The following DTWD2 variants were observed in gnomAD, a reference collection of about 807,000 sequenced individuals.
DTWD2 encodes the protein tRNA-uridine aminocarboxypropyltransferase 2.
Under a neutral mutation model 31.8 loss-of-function variants are expected in DTWD2, and 39 were observed. The ratio of observed to expected loss-of-function variants is 1.22; its 90% CI spans 0.95 to 1.60. DTWD2 has a LOEUF of 1.60. Ranked by LOEUF, DTWD2 falls within the 40% of genes most tolerant of loss-of-function variation. The probability of loss-of-function intolerance (pLI) is 0.00; values close to 1 mark genes in which losing one functional copy is unlikely to be tolerated. For missense variants in DTWD2, 515 were observed against 381.5 expected (o/e 1.35, Z -2.92); for synonymous variants, 180 against 142.8 (o/e 1.26, Z -1.86).
chr5:118,848,967 CAA>C (rs1269014514), intron 4 of DTWD2, among the ~76,000 whole-genome samples: 1 of 152,150 alleles, frequency 6.6e-6, no homozygotes, highest in Non-Finnish European at 1.5e-5. Flanking sequence ...CAGGCATGGG[CAA>C]AGACTTTATG....
intron 4 of DTWD2, among the ~76,000 whole-genome samples, chr5:118,891,321 G>A (rs565995760): frequency 1.2e-4 from 18 of 151,984 alleles, no homozygotes; most frequent in African/African-American, 2.4e-4. Context: ...TTTTACCCAC[G>A]ATGCCCTATA....
intron 4 of DTWD2, among the ~76,000 whole-genome samples, chr5:118,920,380 C>T (rs551946259): frequency 1.3e-5 from 2 of 151,718 alleles, no homozygotes; most frequent in African/African-American, 4.8e-5. Context: ...TATATATGAA[C>T]ACAGAAAAAC....
At chr5:118,896,898 G>A (rs927515934) in intron 4 of DTWD2, among the ~76,000 whole-genome samples, 3 of 152,156 alleles carry the variant, frequency 2.0e-5, no homozygotes, top group Non-Finnish European at 4.4e-5. Context: ...GCCTAAAGCT[G>A]TCTTGGATTC....
chr5:118,848,051 A>C, intron 5 of DTWD2, 39 bp downstream of exon 5: 1 of 1,464,650 alleles, frequency 6.8e-7, no homozygotes, highest in Non-Finnish European at 9.0e-7. Context: ...ATCTAAGAAA[A>C]CTCCCACTTT....
chr5:118,905,484 A>C (rs562122664), intron 4 of DTWD2, among the ~76,000 whole-genome samples: 17 of 152,258 alleles, frequency 1.1e-4, no homozygotes, highest in African/African-American at 3.8e-4. Context: ...CTGTGTATAA[A>C]GTTATAACTG....
intron 3 of DTWD2, 111 bp from the exon 4 acceptor site, chr5:118,928,840 A>G (rs1753864102): frequency 6.9e-6 from 6 of 864,192 alleles, no homozygotes; most frequent in Non-Finnish European, 1.0e-5. Flanking sequence ...CATTTGTCTA[A>G]TCAAATATAA....
At chr5:118,962,687 A>C (rs1481326779) in intron 1 of DTWD2, among the ~76,000 whole-genome samples, 1 of 152,228 alleles carries the variant, frequency 6.6e-6, no homozygotes, top group African/African-American at 2.4e-5. Context: ...ACAGGTAAAG[A>C]CAAAGAATTT....
At chr5:118,972,286 G>A (rs1042904064) in intron 1 of DTWD2, among the ~76,000 whole-genome samples, 1 of 152,018 alleles carries the variant, frequency 6.6e-6, no homozygotes, top group Non-Finnish European at 1.5e-5. Flanking sequence ...ATGATAAGGG[G>A]GATATCACCA....
chr5:118,985,525 CAT>C (rs1344617443), intron 1 of DTWD2, among the ~76,000 whole-genome samples: 16 of 61,830 alleles, frequency 2.6e-4, no homozygotes, highest in East Asian at 7.3e-4. Context: ...TATACACACA[CAT>C]ATATACATAC....
intron 4 of DTWD2, among the ~76,000 whole-genome samples, chr5:118,884,426 G>A (rs2149556199): frequency 1.3e-5 from 2 of 152,248 alleles, no homozygotes; most frequent in East Asian, 3.9e-4. Context: ...AACACTAGAA[G>A]ATAATTCCAT....
intron 1 of DTWD2, among the ~76,000 whole-genome samples, chr5:118,966,800 T>C (rs1052682432): frequency 1.3e-5 from 2 of 151,954 alleles, no homozygotes; most frequent in Non-Finnish European, 2.9e-5. Context: ...GAGGCTGAGG[T>C]GTGAGGATCA....
At chr5:118,892,817 C>T (rs149794331) in intron 4 of DTWD2, among the ~76,000 whole-genome samples, 8 of 152,108 alleles carry the variant, frequency 5.3e-5, no homozygotes, top group East Asian at 1.9e-4. Context: ...TATGAAACAA[C>T]ATATGTACAA....
chr5:118,977,292 T>C (rs902964863), intron 1 of DTWD2, among the ~76,000 whole-genome samples: 1 of 152,102 alleles, frequency 6.6e-6, no homozygotes, highest in African/African-American at 2.4e-5. Context: ...AAGGATCCCC[T>C]CTCTCACCAC....
intron 5 of DTWD2, among the ~76,000 whole-genome samples, chr5:118,847,100 G>A (rs769234931): frequency 4.6e-5 from 7 of 152,038 alleles, no homozygotes; most frequent in Non-Finnish European, 8.8e-5. Context: ...CCTTGCTTTT[G>A]CTATCTTTTT....
intron 5 of DTWD2, among the ~76,000 whole-genome samples, chr5:118,844,489 G>A (rs1751801158): frequency 6.6e-6 from 1 of 152,118 alleles, no homozygotes; most frequent in Non-Finnish European, 1.5e-5. Flanking sequence ...GGAAAAGAGG[G>A]GCAAGAGGAT....
chr5:118,976,522 C>T (rs907593838), intron 1 of DTWD2, among the ~76,000 whole-genome samples: 2 of 152,102 alleles, frequency 1.3e-5, no homozygotes, highest in Non-Finnish European at 2.9e-5. Context: ...CCAATGATCC[C>T]ACAGAAATAC....
chr5:118,892,912 T>C (rs1753004716), intron 4 of DTWD2, among the ~76,000 whole-genome samples: 1 of 152,156 alleles, frequency 6.6e-6, no homozygotes, highest in African/African-American at 2.4e-5. Context: ...TGAATAACTG[T>C]AGTTTATCCA....
At chr5:118,881,663 T>C (rs1752743237) in intron 4 of DTWD2, among the ~76,000 whole-genome samples, 1 of 152,052 alleles carries the variant, frequency 6.6e-6, no homozygotes, top group Non-Finnish European at 1.5e-5. Context: ...AAACTTACAA[T>C]TACGGTAGAA....
At chr5:118,940,123 C>G (rs578161420) in intron 2 of DTWD2, among the ~76,000 whole-genome samples, 6 of 152,256 alleles carry the variant, frequency 3.9e-5, no homozygotes, top group African/African-American at 1.4e-4. Context: ...GTGGAGAAAT[C>G]TGGTGGCCAT....
Sources: gnomAD v4.1 joint callset for allele counts (sites outside exome capture counted in the v4.1 genomes callset) on GRCh38, gnomAD v4.1.1 for gene constraint, MANE v1.5 for transcripts, NCBI Gene and HGNC (gene_info 2026-07-23, HGNC 2026-07-21) for gene names.